The following NINJ2 variants were observed in gnomAD, a reference collection of about 807,000 sequenced individuals.
NINJ2 encodes the protein ninjurin-2.
In NINJ2, 12 loss-of-function variants were observed where a neutral mutation model predicts 11.7. That is an observed-to-expected ratio of 1.02 (90% CI 0.66 to 1.66). NINJ2 has a LOEUF of 1.66. Among genes scored for constraint, NINJ2 ranks in the 40% most tolerant of loss-of-function variants. The pLI is 0.00. For missense variants in NINJ2, 187 were observed against 181.8 expected, an observed-to-expected ratio of 1.03 and a Z score of -0.16; for synonymous variants, 93 against 76.8, an observed-to-expected ratio of 1.21 and a Z score of -1.10.
chr12:567,734 A>G (rs758792), intron 1 of NINJ2, among the ~76,000 whole-genome samples: 130,691 of 152,240 alleles, frequency 0.86, 56,170 homozygotes, highest in East Asian at 0.92. Flanking sequence ...GGCTGGGTGC[A>G]GTGGCTCATG....
chr12:598,543 AG>A (rs555186274), intron 1 of NINJ2, among the ~76,000 whole-genome samples: 1 of 152,274 alleles, frequency 6.6e-6, no homozygotes, highest in South Asian at 2.1e-4. Context: ...ATGAGGAGAA[AG>A]GGGGGGAGAC....
chr12:629,159 A>T (rs1021208423), intron 1 of NINJ2, among the ~76,000 whole-genome samples: 1 of 152,044 alleles, frequency 6.6e-6, no homozygotes, highest in African/African-American at 2.4e-5. Context: ...CTGGATCGGG[A>T]CCCCTTTCTG....
At chr12:639,833 A>C (rs1948398535) in intron 1 of NINJ2, among the ~76,000 whole-genome samples, 1 of 152,204 alleles carries the variant, frequency 6.6e-6, no homozygotes, top group African/African-American at 2.4e-5. Context: ...AACAAATCCC[A>C]CCTGATTGAA....
intron 1 of NINJ2, among the ~76,000 whole-genome samples, chr12:601,390 CA>C (rs1041287823): frequency 2.7e-5 from 4 of 150,538 alleles, no homozygotes; most frequent in Admixed American, 2.0e-4. Flanking sequence ...ACTAAAAATA[CA>C]AAAAAAATTA....
chr12:594,191 A>G (rs1434325128), intron 1 of NINJ2, among the ~76,000 whole-genome samples: 1 of 151,628 alleles, frequency 6.6e-6, no homozygotes, highest in East Asian at 1.9e-4. Flanking sequence ...AATTGAAAAT[A>G]ATAAAGAAAA....
At chr12:634,494 C>G (rs187389618) in intron 1 of NINJ2, among the ~76,000 whole-genome samples, 1 of 151,930 alleles carries the variant, frequency 6.6e-6, no homozygotes, top group Non-Finnish European at 1.5e-5. Context: ...CTTCTGACCT[C>G]GTGATCCGCC....
chr12:647,975 G>T (rs1937715567), intron 1 of NINJ2, among the ~76,000 whole-genome samples: 1 of 152,198 alleles, frequency 6.6e-6, no homozygotes, highest in Non-Finnish European at 1.5e-5. Flanking sequence ...CATTAATGGT[G>T]TAGTAATGAC....
intron 1 of NINJ2, among the ~76,000 whole-genome samples, chr12:578,840 CCT>C (rs1306941306): frequency 1.3e-5 from 2 of 152,196 alleles, no homozygotes; most frequent in African/African-American, 2.4e-5. Flanking sequence ...CCCAGCAGCT[CCT>C]GTCTTCCCAG....
intron 1 of NINJ2, among the ~76,000 whole-genome samples, chr12:600,653 GGTGTGTGTGTGTGTGTGTGTGTGT>G (rs58255968): frequency 7.7e-5 from 11 of 141,948 alleles, no homozygotes; most frequent in Admixed American, 7.7e-4. Flanking sequence ...ATTTTTTTGG[GGTGTGTGTGTGTGTGTGTGTGTGT>G]GTGTGTGTGT....
rs1473247265 is a variant in NINJ2 at position 581,360 on chromosome 12, G to A, written c.34-15182C>T. On this transcript the variant is annotated intron_variant, in intron 1 of 3. Transcript: ENST00000305108. The surrounding 1 kb of genome is among the most constrained non-coding windows in gnomAD (Gnocchi z 4.9). ...CAAGATAGAGAAGTCCCTGAGCACT[G>A]AGTCTGGGGATCAAAGCCGCTCCTG... is the stretch of plus-strand genomic sequence containing the variant. Among the ~76,000 whole-genome samples, 11 of 152,164 alleles carry A rather than the reference G, an allele frequency of 7.2e-5. No individual in the cohort carries two copies. Among genetic ancestry groups the A allele is most frequent in the Admixed American group, 2.0e-4 (3 of 15,282 alleles).
chr12:593,041 GA>G (rs1322086610), intron 1 of NINJ2, among the ~76,000 whole-genome samples: 5 of 151,222 alleles, frequency 3.3e-5, no homozygotes, highest in Admixed American at 6.6e-5. Flanking sequence ...AAAAAACAGG[GA>G]AAAAAAATGA....
chr12:603,453 A>T (rs10849328), intron 1 of NINJ2, among the ~76,000 whole-genome samples: 25,796 of 152,022 alleles, frequency 0.17, 2,286 homozygotes, highest in Middle Eastern at 0.32. Flanking sequence ...CCTCTGTTAC[A>T]GTGCTTTTGG....
chr12:577,528 G>A (rs1947486515), intron 1 of NINJ2, among the ~76,000 whole-genome samples: 1 of 148,728 alleles, frequency 6.7e-6, no homozygotes, highest in Non-Finnish European at 1.5e-5. Flanking sequence ...CAAGTAACTG[G>A]GATGTAGTCC....
chr12:622,926 C>T (rs938904428), intron 1 of NINJ2, among the ~76,000 whole-genome samples: 1 of 152,120 alleles, frequency 6.6e-6, no homozygotes, highest in Non-Finnish European at 1.5e-5. Flanking sequence ...GTGTGGGTTG[C>T]TTCAAACAAG....
At chr12:568,740 G>T (rs1947335894) in intron 1 of NINJ2, among the ~76,000 whole-genome samples, 3 of 152,354 alleles carry the variant, frequency 2.0e-5, no homozygotes, top group Admixed American at 2.0e-4. Flanking sequence ...ACTCACAGAG[G>T]GTAATCAGGA....
chr12:661,639 C>T (rs1937959394), intron 1 of NINJ2, among the ~76,000 whole-genome samples: 1 of 152,226 alleles, frequency 6.6e-6, no homozygotes, highest in South Asian at 2.1e-4. Flanking sequence ...CTGGATCGTT[C>T]AACCCATCAG....
intron 1 of NINJ2, among the ~76,000 whole-genome samples, chr12:572,395 C>T (rs1203973136): frequency 3.3e-5 from 5 of 152,174 alleles, no homozygotes; most frequent in Non-Finnish European, 7.4e-5. Context: ...ACCGACTGCC[C>T]GGGAAAGCCA....
intron 1 of NINJ2, among the ~76,000 whole-genome samples, chr12:573,590 A>C (rs998779003): frequency 2.0e-5 from 3 of 152,050 alleles, no homozygotes; most frequent in Admixed American, 1.3e-4. Flanking sequence ...AACAAAAAAA[A>C]CAGAAAAACA....
At chr12:584,059 T>TA (rs58387031) in intron 1 of NINJ2, among the ~76,000 whole-genome samples, 40 of 149,310 alleles carry the variant, frequency 2.7e-4, no homozygotes, top group African/African-American at 4.9e-4. Flanking sequence ...ACATTTGGAG[T>TA]AAAAAAAAAA....
Sources: allele counts gnomAD v4.1 joint callset (sites outside exome capture counted in the v4.1 genomes callset), GRCh38; gene constraint gnomAD v4.1.1; non-coding constraint Gnocchi (gnomAD v3.1); transcripts MANE v1.5; gene names NCBI Gene and HGNC (gene_info 2026-07-23, HGNC 2026-07-21).